Variants in SH3RF3 observed in about 807,000 individuals in gnomAD.
The protein encoded by SH3RF3 is E3 ubiquitin-protein ligase SH3RF3.
In SH3RF3, 29 loss-of-function variants were observed where a neutral mutation model predicts 66.3. That is an observed-to-expected ratio of 0.44 (90% CI 0.33 to 0.60). The LOEUF (loss-of-function observed/expected upper bound fraction) is 0.60. Ranked by LOEUF, SH3RF3 falls within the 20% of genes least tolerant of loss-of-function variation. SH3RF3 has a pLI of 0.04. For missense variants in SH3RF3, 1,194 were observed against 1,190.9 expected (o/e 1.00, Z -0.04); for synonymous variants, 583 against 532.0 (o/e 1.10, Z -1.32).
At chr2:109,360,965 T>A (rs907919086) in intron 2 of SH3RF3, among the ~76,000 whole-genome samples, 1 of 152,236 alleles carries the variant, frequency 6.6e-6, no homozygotes, top group African/African-American at 2.4e-5. Flanking sequence ...GTAGGTTATT[T>A]GTAGATGTTC....
chr2:109,322,331 G>A (rs1276768372), intron 1 of SH3RF3, among the ~76,000 whole-genome samples: 1 of 152,162 alleles, frequency 6.6e-6, no homozygotes, highest in Non-Finnish European at 1.5e-5. Context: ...AGCCAGGGCC[G>A]GCAGAGGCAG....
Position 109,334,560 on chromosome 2 carries a change from G to A in SH3RF3, c.574-13114G>A, listed in dbSNP as rs62152235. Among the ~76,000 whole-genome samples the A allele has an allele frequency of 9.8e-3, 1,497 of 152,142 alleles. 12 individuals carry two copies. The highest frequency in any genetic ancestry group is 0.017 in the Non-Finnish European group (1,147 of 67,998). ...CCAGCCAGCAGGGGAACCCTCACCC[G>A]CTCCGGGGATGCCAGGGATGGAGTG... On this transcript the variant is annotated intron_variant, in intron 1 of 9. Coordinates refer to ENST00000309415, the MANE Select transcript of SH3RF3 (RefSeq NM_001099289.3).
At chr2:109,204,166 G>T (rs1380182330) in intron 1 of SH3RF3, among the ~76,000 whole-genome samples, 2 of 152,196 alleles carry the variant, frequency 1.3e-5, no homozygotes, top group Non-Finnish European at 2.9e-5. Context: ...TTTAGATTCA[G>T]CCATTAACTC....
chr2:109,235,602 C>T (rs1439779299), intron 1 of SH3RF3, among the ~76,000 whole-genome samples: 1 of 152,188 alleles, frequency 6.6e-6, no homozygotes, highest in Non-Finnish European at 1.5e-5. Flanking sequence ...ATGGCATGGG[C>T]CTCGAAGGCT....
chr2:109,475,912 C>T (rs556435613), intron 8 of SH3RF3, among the ~76,000 whole-genome samples: 1 of 152,190 alleles, frequency 6.6e-6, no homozygotes, highest in Non-Finnish European at 1.5e-5. Context: ...ACGAGCTTCA[C>T]CTTCATCAAC....
chr2:109,276,029 G>A (rs1680750056), intron 1 of SH3RF3, among the ~76,000 whole-genome samples: 1 of 152,192 alleles, frequency 6.6e-6, no homozygotes, highest in African/African-American at 2.4e-5. Context: ...GGATTTCATG[G>A]TTCAGTTGGC....
At chr2:109,228,444 A>T (rs1679424955) in intron 1 of SH3RF3, among the ~76,000 whole-genome samples, 1 of 152,222 alleles carries the variant, frequency 6.6e-6, no homozygotes, top group Non-Finnish European at 1.5e-5. Flanking sequence ...TTCTGATACC[A>T]GATGTGTGTG....
At chr2:109,328,615 T>G (rs1682209197) in intron 1 of SH3RF3, among the ~76,000 whole-genome samples, 1 of 152,240 alleles carries the variant, frequency 6.6e-6, no homozygotes, top group African/African-American at 2.4e-5. Flanking sequence ...CGTTCCAGGT[T>G]ATCCAGGATG....
chr2:109,131,810 G>A (rs1055813679), intron 1 of SH3RF3, among the ~76,000 whole-genome samples: 6 of 152,220 alleles, frequency 3.9e-5, no homozygotes, highest in African/African-American at 9.6e-5. Context: ...TGGGTGCATA[G>A]TCATGTTCAT....
chr2:109,380,121 G>A (rs542666191), intron 3 of SH3RF3, among the ~76,000 whole-genome samples: 82 of 152,290 alleles, frequency 5.4e-4, no homozygotes, highest in African/African-American at 7.2e-4. Flanking sequence ...CTGCCAAGGC[G>A]TGATCCACAC....
chr2:109,178,774 G>A (rs13036053), intron 1 of SH3RF3, among the ~76,000 whole-genome samples: 124,339 of 152,134 alleles, frequency 0.82, 50,931 homozygotes, highest in East Asian at 0.89. Context: ...ATTAGATTTC[G>A]TAGGTGTCTC....
At chr2:109,461,173 A>G (rs897201353) in intron 8 of SH3RF3, among the ~76,000 whole-genome samples, 9 of 152,226 alleles carry the variant, frequency 5.9e-5, no homozygotes, top group Admixed American at 2.0e-4. Flanking sequence ...CCATTTGGTC[A>G]TGGAATGCTG....
At chr2:109,131,176 C>T (rs1676684478) in intron 1 of SH3RF3, among the ~76,000 whole-genome samples, 1 of 152,142 alleles carries the variant, frequency 6.6e-6, no homozygotes, top group Admixed American at 6.5e-5. Context: ...TACTGCAAAT[C>T]TCTAAGGTTA....
intron 8 of SH3RF3, among the ~76,000 whole-genome samples, chr2:109,461,851 T>A (rs530471433): frequency 1.3e-5 from 2 of 152,268 alleles, no homozygotes; most frequent in East Asian, 3.9e-4. Flanking sequence ...ACTATCAATT[T>A]TGGGGGTCAC....
chr2:109,228,414 C>T (rs539596237), intron 1 of SH3RF3, among the ~76,000 whole-genome samples: 38 of 152,248 alleles, frequency 2.5e-4, no homozygotes, highest in African/African-American at 9.1e-4. Context: ...TCCTTGATAC[C>T]CACAATGCAC....
At chr2:109,377,838 C>T (rs1278081821) in intron 3 of SH3RF3, among the ~76,000 whole-genome samples, 3 of 152,178 alleles carry the variant, frequency 2.0e-5, no homozygotes, top group African/African-American at 7.2e-5. Flanking sequence ...TTATCTTTTA[C>T]AAAGAGAGGC....
intron 7 of SH3RF3, among the ~76,000 whole-genome samples, chr2:109,440,897 G>A (rs1214770969): frequency 6.6e-6 from 1 of 152,166 alleles, no homozygotes; most frequent in Non-Finnish European, 1.5e-5. Flanking sequence ...AGTGCTAACA[G>A]TGCCCAGAAT....
intron 8 of SH3RF3, among the ~76,000 whole-genome samples, chr2:109,460,563 TTGAC>T (rs1217017885): frequency 6.6e-6 from 1 of 152,228 alleles, no homozygotes; most frequent in East Asian, 1.9e-4. Context: ...GGCTCAGTCA[TTGAC>T]TGTGCTCCAC....
intron 4 of SH3RF3, among the ~76,000 whole-genome samples, chr2:109,401,912 G>A (rs1045083335): frequency 2.6e-5 from 4 of 152,222 alleles, no homozygotes; most frequent in Admixed American, 1.3e-4. Context: ...AGGGATTGAC[G>A]GGACTGGGAT....
Sources: allele counts gnomAD v4.1 joint callset (sites outside exome capture counted in the v4.1 genomes callset), GRCh38; gene constraint gnomAD v4.1.1; transcripts MANE v1.5; gene names NCBI Gene and HGNC (gene_info 2026-07-23, HGNC 2026-07-21).